LGALS2: variants seen among roughly 807,000 people sequenced by gnomAD.
LGALS2 encodes galectin-2.
LGALS2 carries 7 observed loss-of-function variants against 10.1 expected under a neutral mutation model. The ratio of observed to expected loss-of-function variants is 0.70; its 90% CI spans 0.40 to 1.31. The LOEUF is 1.31. Ranked by LOEUF, LGALS2 falls within the 50% of genes most tolerant of loss-of-function variation. LGALS2 has a pLI of 0.01. For synonymous variants in LGALS2, 86 were observed against 64.2 expected, an observed-to-expected ratio of 1.34 and a Z score of -1.63; for missense variants, 167 against 163.6, an observed-to-expected ratio of 1.02 and a Z score of -0.11.
chr22:37,576,446 C>T lies in LGALS2; in HGVS notation c.6+3454G>A, dbSNP rs972100689. ...CAGCCTGGGCGACAGAGCGAGACTC[C>T]GTCTCAAAAAAAAAAAAAAAAAAAA... On this transcript the variant is annotated intron_variant, in intron 1 of 3. Coordinates refer to ENST00000215886, the MANE Select transcript of LGALS2 (RefSeq NM_006498.3). Among the ~76,000 whole-genome samples, 11 of 84,072 alleles carry T rather than the reference C, an allele frequency of 1.3e-4. No individual in the cohort carries two copies. In the South Asian group the frequency reaches 1.9e-3, roughly 15 times the overall value. The allele number at this position is 84,072 out of a possible 152,430, so 55.2% of individuals were successfully genotyped here.
chr22:37,576,369 G>A (rs933352697), intron 1 of LGALS2, among the ~76,000 whole-genome samples: 3 of 151,020 alleles, frequency 2.0e-5, no homozygotes, highest in Non-Finnish European at 4.4e-5. Flanking sequence ...GGAGAATGGC[G>A]TGAACCCGGG....
intron 1 of LGALS2, among the ~76,000 whole-genome samples, chr22:37,576,545 G>C (rs1171883182): frequency 6.6e-6 from 1 of 151,854 alleles, no homozygotes; most frequent in East Asian, 1.9e-4. Context: ...AGTCCAAAAG[G>C]GGCTCAAACA....
At chr22:37,574,621 G>A (rs976009149) in intron 1 of LGALS2, among the ~76,000 whole-genome samples, 1 of 152,066 alleles carries the variant, frequency 6.6e-6, no homozygotes, top group Non-Finnish European at 1.5e-5. Context: ...CTTATGGGAG[G>A]ACACTTTTAC....
intron 1 of LGALS2, among the ~76,000 whole-genome samples, chr22:37,572,200 T>G (rs1925519144): frequency 6.6e-6 from 1 of 152,230 alleles, no homozygotes; most frequent in Non-Finnish European, 1.5e-5. Flanking sequence ...TGCCCATCTA[T>G]GAAATGGGCA....
chr22:37,571,953 C>G, intron 1 of LGALS2, 22 bp from the exon 2 acceptor site: 1 of 1,589,748 alleles, frequency 6.3e-7, no homozygotes, highest in Non-Finnish European at 8.6e-7. Flanking sequence ...GAGAAACATT[C>G]CACTCGAGTC....
chr22:37,573,888 G>T (rs2145820591), intron 1 of LGALS2, among the ~76,000 whole-genome samples: 1 of 151,908 alleles, frequency 6.6e-6, no homozygotes, highest in South Asian at 2.1e-4. Flanking sequence ...GTACCACCAT[G>T]CCTAATTTTT....
chr22:37,580,057 G>T lies in LGALS2; in HGVS notation c.-152C>A. ...TGCCCCTTCTACCTTGTGTCTCCCC[G>T]CCTGCATCTCCCAGTACCCAGCACA... On this transcript the variant is annotated 5_prime_UTR_variant, in exon 1 of 4. Transcript: ENST00000215886. The T allele has an allele frequency of 4.8e-6, 3 of 625,370 alleles. No individual in the cohort carries two copies. Among genetic ancestry groups the T allele is most frequent in the Non-Finnish European group, 8.2e-6 (3 of 366,656 alleles). The allele number at this position is 625,370 out of a possible 1,614,324, so 38.7% of individuals were successfully genotyped here.
chr22:37,576,210 T>C (rs1276910400), intron 1 of LGALS2, among the ~76,000 whole-genome samples: 19 of 151,932 alleles, frequency 1.3e-4, no homozygotes, highest in Non-Finnish European at 2.6e-4. Flanking sequence ...CCCAGCACTT[T>C]GGGAGGCCGA....
chr22:37,571,840 C>G lies in LGALS2; in HGVS notation c.89+9G>C. 1 of 1,613,132 alleles carries G rather than the reference C, an allele frequency of 6.2e-7. No homozygotes were observed. On this transcript the variant is annotated intron_variant, in intron 2 of 3. Transcript: ENST00000215886. ...CTGCAGACTCCCCCAACCCTGAAAC[C>G]TTGCTCACCCATCAGTGCCATCGGC...
chr22:37,572,476 A>T (rs1195397837), intron 1 of LGALS2, among the ~76,000 whole-genome samples: 1 of 152,030 alleles, frequency 6.6e-6, no homozygotes, highest in East Asian at 1.9e-4. Flanking sequence ...TACTAAAAAT[A>T]AAAAAATTGG....
chr22:37,579,913 G>A lies in LGALS2; in HGVS notation c.-8C>T. The stretch of plus-strand genomic sequence containing the variant: ...TAGTGTCCTCACCGTCATGGTGACA[G>A]CTCCTGGCGGCAGCTCCCAGCGGCT... On this transcript the variant is annotated 5_prime_UTR_variant, in exon 1 of 4. Transcript: ENST00000215886. 1 of 1,611,304 alleles carries A rather than the reference G, an allele frequency of 6.2e-7. No individual in the cohort carries two copies. Among genetic ancestry groups the A allele is most frequent in the Non-Finnish European group, 8.5e-7 (1 of 1,179,256 alleles).
At position 37,580,036 on chromosome 22, in the gene LGALS2, C is replaced by T. The variant is rs1449912032; in HGVS notation, c.-131G>A. 2 of 849,516 alleles carry T rather than the reference C, an allele frequency of 2.4e-6. No homozygotes were observed. The highest frequency in any genetic ancestry group is 2.6e-5 in the East Asian group (1 of 37,988). The allele number at this position is 849,516 out of a possible 1,614,324, so 52.6% of individuals were successfully genotyped here. ...CAAGGTCCTAGGTGAGGACTTTGCCCCTTCTACCTTGTGTCTCCCCGCCTG... is the reference window on the plus strand; with the variant it reads ...CAAGGTCCTAGGTGAGGACTTTGCCTCTTCTACCTTGTGTCTCCCCGCCTG... On this transcript the variant is annotated 5_prime_UTR_variant, in exon 1 of 4. Transcript: ENST00000215886.
At chr22:37,571,995 C>A in intron 1 of LGALS2, 64 bp from the exon 2 acceptor site, 1 of 1,360,152 alleles carries the variant, frequency 7.4e-7, no homozygotes, top group South Asian at 1.2e-5. Context: ...ACTTGCCCAG[C>A]AGCTTCATCC....
At position 37,577,188 on chromosome 22, in the gene LGALS2, G is replaced by T. The variant is rs968725; in HGVS notation, c.6+2712C>A. On this transcript the variant is annotated intron_variant, in intron 1 of 3. Transcript: ENST00000215886. ...GTGAGATGACCAGGAAAGAGAAGGT[G>T]GGGAGAGTCCGTGGGCCACAGCAGT... Among the ~76,000 whole-genome samples, 73 of 151,992 alleles carry T rather than the reference G, an allele frequency of 4.8e-4. 2 individuals are homozygous for T. In the South Asian group the frequency reaches 0.012, roughly 25 times the overall value.
chr22:37,579,911 C>T lies in LGALS2; in HGVS notation c.-6G>A, dbSNP rs1925799590. 2.5e-6 allele frequency: 4 copies of T among 1,611,324 alleles called. No individual in the cohort carries two copies. Among genetic ancestry groups the T allele is most frequent in the Non-Finnish European group, 3.4e-6 (4 of 1,179,298 alleles). ...GCTAGTGTCCTCACCGTCATGGTGA[C>T]AGCTCCTGGCGGCAGCTCCCAGCGG... is the stretch of plus-strand genomic sequence containing the variant. On this transcript the variant is annotated 5_prime_UTR_variant, in exon 1 of 4. Transcript: ENST00000215886.
chr22:37,575,991 G>A (rs939497224), intron 1 of LGALS2, among the ~76,000 whole-genome samples: 47 of 152,140 alleles, frequency 3.1e-4, no homozygotes, highest in Admixed American at 9.8e-4. Flanking sequence ...TCCCCTGAGC[G>A]GTGACAACCA....
chr22:37,576,119 T>A (rs988990585), intron 1 of LGALS2, among the ~76,000 whole-genome samples: 2 of 151,940 alleles, frequency 1.3e-5, no homozygotes, highest in African/African-American at 4.8e-5. Flanking sequence ...CACAACGGGG[T>A]TGGGTCCAGA....
At chr22:37,576,536 G>C (rs911081855) in intron 1 of LGALS2, among the ~76,000 whole-genome samples, 3 of 151,680 alleles carry the variant, frequency 2.0e-5, no homozygotes, top group African/African-American at 4.8e-5. Context: ...AGTGAGGACA[G>C]TCCAAAAGGG....
At chr22:37,573,101 T>C (rs1925554239) in intron 1 of LGALS2, among the ~76,000 whole-genome samples, 1 of 150,824 alleles carries the variant, frequency 6.6e-6, no homozygotes, top group South Asian at 2.1e-4. Context: ...TTTAACCCTG[T>C]CTCTACTAAA....
Sources: gnomAD v4.1 joint callset for allele counts (sites outside exome capture counted in the v4.1 genomes callset) on GRCh38, gnomAD v4.1.1 for gene constraint, MANE v1.5 for transcripts, NCBI Gene and HGNC (gene_info 2026-07-23, HGNC 2026-07-21) for gene names.